Variants in AHI1 observed in about 807,000 individuals in gnomAD.
AHI1 encodes the protein Abelson helper integration site 1.
AHI1 carries 123 observed loss-of-function variants against 149.3 expected under a neutral mutation model. That is an observed-to-expected ratio of 0.82 (90% CI 0.71 to 0.96). The LOEUF is 0.96. Ranked by LOEUF, AHI1 falls within the 40% of genes least tolerant of loss-of-function variation. The pLI, the probability that AHI1 is intolerant of heterozygous loss-of-function variation, is 0.00. For missense variants in AHI1, 1,439 were observed against 1,422.7 expected (o/e 1.01, Z -0.18); for synonymous variants, 475 against 459.8 (o/e 1.03, Z -0.42).
intron 24 of AHI1, among the ~76,000 whole-genome samples, chr6:135,332,364 G>C (rs980632853): frequency 1.3e-5 from 2 of 152,168 alleles, no homozygotes; most frequent in African/African-American, 4.8e-5. Flanking sequence ...ACCGCTCCTG[G>C]CCCAGGTTTA....
At chr6:135,439,493 T>C (rs1353115364) in intron 14 of AHI1, among the ~76,000 whole-genome samples, 3 of 152,176 alleles carry the variant, frequency 2.0e-5, no homozygotes, top group African/African-American at 4.8e-5. Context: ...ATGTTGGCAA[T>C]TGGCATATGC....
At chr6:135,474,365 T>A (rs1420493548) in intron 5 of AHI1, 1 of 152,204 alleles carries the variant, frequency 6.6e-6, no homozygotes, top group East Asian at 1.9e-4. Context: ...AGTACAATTG[T>A]GAATACACAC....
chr6:135,415,682 A>T (rs892486233), intron 20 of AHI1, among the ~76,000 whole-genome samples: 4 of 152,228 alleles, frequency 2.6e-5, no homozygotes, highest in African/African-American at 9.6e-5. Flanking sequence ...AATGAAGCAT[A>T]TGTCCATACA....
At chr6:135,482,248 T>C (rs1793769981) in intron 5 of AHI1, among the ~76,000 whole-genome samples, 1 of 152,156 alleles carries the variant, frequency 6.6e-6, no homozygotes, top group East Asian at 1.9e-4. Flanking sequence ...CCAACTCCTA[T>C]TCCAAAGGCC....
intron 22 of AHI1, among the ~76,000 whole-genome samples, chr6:135,395,656 GA>G (rs199935302): frequency 1.3e-5 from 2 of 151,048 alleles, no homozygotes; most frequent in African/African-American, 4.9e-5. Flanking sequence ...ATTCGTTTCA[GA>G]AAAAAAATCT....
intron 23 of AHI1, among the ~76,000 whole-genome samples, chr6:135,381,280 TCAGA>T (rs1776734413): frequency 6.6e-6 from 1 of 152,244 alleles, no homozygotes; most frequent in African/African-American, 2.4e-5. Context: ...CCTATATTTC[TCAGA>T]CAAATTTAAC....
intron 24 of AHI1, among the ~76,000 whole-genome samples, chr6:135,351,179 C>T (rs551286493): frequency 5.4e-5 from 8 of 149,394 alleles, no homozygotes; most frequent in Non-Finnish European, 1.0e-4. Flanking sequence ...GACTAAGACA[C>T]AAACAAGCTG....
chr6:135,299,187 T>C (rs1783542147), intron 27 of AHI1, among the ~76,000 whole-genome samples: 1 of 152,236 alleles, frequency 6.6e-6, no homozygotes. Context: ...AAAGAATTTC[T>C]AAGGTATCTT....
At chr6:135,350,833 GAGAC>G (rs765372750) in intron 24 of AHI1, among the ~76,000 whole-genome samples, 1 of 152,156 alleles carries the variant, frequency 6.6e-6, no homozygotes, top group African/African-American at 2.4e-5. Flanking sequence ...TGATGCTGAA[GAGAC>G]AGACAGACAG....
At chr6:135,453,464 C>A in intron 10 of AHI1, 28 bp from the exon 11 acceptor site, 2 of 1,449,704 alleles carry the variant, frequency 1.4e-6, no homozygotes, top group Non-Finnish European at 1.9e-6. Context: ...GAAGACTAAG[C>A]TACCTAAAAT....
intron 22 of AHI1, among the ~76,000 whole-genome samples, chr6:135,400,833 T>C (rs1779924598): frequency 6.6e-6 from 1 of 152,186 alleles, no homozygotes. Flanking sequence ...CTCTTGCAAC[T>C]TGAGGATTCA....
chr6:135,392,303 AAAG>A (rs891669961), intron 23 of AHI1, among the ~76,000 whole-genome samples: 13 of 152,228 alleles, frequency 8.5e-5, no homozygotes, highest in Admixed American at 6.5e-5. Context: ...AATACAAATC[AAAG>A]AAGAGAGAAA....
chr6:135,488,787 GTTC>G (rs1311244546), intron 5 of AHI1, among the ~76,000 whole-genome samples: 2 of 152,020 alleles, frequency 1.3e-5, no homozygotes, highest in Admixed American at 6.5e-5. Context: ...AGGACTCCCT[GTTC>G]TTCTTTCAAG....
intron 5 of AHI1, among the ~76,000 whole-genome samples, chr6:135,480,935 T>C (rs552217293): frequency 3.4e-4 from 52 of 152,318 alleles, no homozygotes; most frequent in African/African-American, 1.3e-3. Flanking sequence ...ATCTAACTAA[T>C]ACCTGATGAT....
At chr6:135,354,564 T>A (rs1041028065) in intron 24 of AHI1, among the ~76,000 whole-genome samples, 2 of 152,146 alleles carry the variant, frequency 1.3e-5, no homozygotes, top group African/African-American at 4.8e-5. Context: ...TCATTTAAAG[T>A]AAATACAGGA....
intron 2 of AHI1, among the ~76,000 whole-genome samples, chr6:135,496,224 C>T (rs977549518): frequency 6.6e-6 from 1 of 152,014 alleles, no homozygotes; most frequent in Non-Finnish European, 1.5e-5. Flanking sequence ...TCAAGCAATT[C>T]ACCTGCCTCA....
intron 23 of AHI1, among the ~76,000 whole-genome samples, chr6:135,380,486 G>A (rs912345050): frequency 3.3e-5 from 5 of 152,126 alleles, no homozygotes; most frequent in Non-Finnish European, 5.9e-5. Flanking sequence ...ACAAAGGGTC[G>A]TAAAACCAAC....
At chr6:135,376,921 A>AAAAAAAAT (rs1776025303) in intron 23 of AHI1, among the ~76,000 whole-genome samples, 1 of 128,690 alleles carries the variant, frequency 7.8e-6, no homozygotes, top group East Asian at 2.4e-4. Context: ...AAAAAAAAAA[A>AAAAAAAAT]GTTGGTCCAG....
chr6:135,320,918 G>A (rs529592146), intron 25 of AHI1, among the ~76,000 whole-genome samples: 1 of 152,254 alleles, frequency 6.6e-6, no homozygotes, highest in South Asian at 2.1e-4. Context: ...ATGAGAAGAA[G>A]GAACTTGGCT....
Sources: allele counts gnomAD v4.1 joint callset (sites outside exome capture counted in the v4.1 genomes callset), GRCh38; gene constraint gnomAD v4.1.1; transcripts MANE v1.5; gene names NCBI Gene and HGNC (gene_info 2026-07-23, HGNC 2026-07-21).